Variants in EPHB1 observed in about 807,000 individuals in gnomAD.
EPHB1 encodes EPH receptor B1.
A neutral mutation model predicts 94.4 loss-of-function variants in EPHB1; 30 were observed. That is an observed-to-expected ratio of 0.32 (90% CI 0.24 to 0.43). The LOEUF (loss-of-function observed/expected upper bound fraction) is 0.43. Among genes scored for constraint, EPHB1 ranks in the 20% least tolerant of loss-of-function variants. The probability of loss-of-function intolerance (pLI) is 1.00; values close to 1 mark genes in which losing one functional copy is unlikely to be tolerated. For missense variants in EPHB1, 1,055 were observed against 1,308.3 expected (o/e 0.81, Z 2.99); for synonymous variants, 522 against 489.1 (o/e 1.07, Z -0.89).
intron 12 of EPHB1, among the ~76,000 whole-genome samples, chr3:135,232,262 A>C (rs1192702434): frequency 6.6e-6 from 1 of 152,244 alleles, no homozygotes; most frequent in Admixed American, 6.5e-5. Context: ...ATTTATTCTA[A>C]AATACCTTTC....
chr3:134,936,576 C>T (rs936177001), intron 2 of EPHB1, among the ~76,000 whole-genome samples: 4 of 152,152 alleles, frequency 2.6e-5, no homozygotes, highest in Non-Finnish European at 5.9e-5. Flanking sequence ...AACGCGCCCC[C>T]CCCTCCATTT....
At chr3:134,830,238 A>G (rs1490776684) in intron 1 of EPHB1, among the ~76,000 whole-genome samples, 1 of 152,190 alleles carries the variant, frequency 6.6e-6, no homozygotes, top group East Asian at 1.9e-4. Context: ...ACTCCTAATT[A>G]CTTCAGTGTC....
intron 2 of EPHB1, among the ~76,000 whole-genome samples, chr3:134,938,471 C>T (rs944101059): frequency 2.0e-5 from 3 of 152,198 alleles, no homozygotes; most frequent in African/African-American, 7.2e-5. Context: ...GCTCACAGGG[C>T]CTTCCGATGG....
chr3:135,154,353 C>A (rs1254974985), intron 6 of EPHB1, 77 bp downstream of exon 6: 29 of 1,589,184 alleles, frequency 1.8e-5, no homozygotes, highest in Non-Finnish European at 2.2e-5. Context: ...GCTGAAGGCA[C>A]AAAGGAGATA....
chr3:135,046,752 T>C (rs1937011087), intron 3 of EPHB1, among the ~76,000 whole-genome samples: 2 of 152,188 alleles, frequency 1.3e-5, no homozygotes, highest in Admixed American at 6.5e-5. Flanking sequence ...GTTTGAGAAC[T>C]TCTGTGCATC....
At chr3:135,088,752 A>C (rs1048180092) in intron 3 of EPHB1, among the ~76,000 whole-genome samples, 5 of 152,208 alleles carry the variant, frequency 3.3e-5, no homozygotes, top group African/African-American at 1.2e-4. Context: ...GCCAATACTC[A>C]TGCATTATCA....
intron 3 of EPHB1, among the ~76,000 whole-genome samples, chr3:134,996,689 T>C (rs1212673908): frequency 6.6e-6 from 1 of 152,148 alleles, no homozygotes; most frequent in Non-Finnish European, 1.5e-5. Context: ...CTTTTGATTA[T>C]TTGTTAGTCT....
At position 135,117,818 on chromosome 3, in the gene EPHB1, C is replaced by G. The variant is rs1939775055; in HGVS notation, c.961+11215C>G. On this transcript the variant is annotated intron_variant, in intron 4 of 15. Transcript: ENST00000398015. ...TCAGAGGTTTGCCTTTCCAGGCTTA[C>G]CTTGGAAATGGCAATGAAGGGTGCT... Among the ~76,000 whole-genome samples, 3 of 152,188 alleles carry G rather than the reference C, an allele frequency of 2.0e-5. No homozygotes were observed. In the South Asian group the frequency reaches 6.2e-4, roughly 31 times the overall value.
intron 1 of EPHB1, among the ~76,000 whole-genome samples, chr3:134,858,536 T>G (rs2037174702): frequency 6.6e-6 from 1 of 152,170 alleles, no homozygotes; most frequent in South Asian, 2.1e-4. Flanking sequence ...ATTTAAAATC[T>G]GTTTCCATCA....
At chr3:134,978,683 T>C (rs1262008615) in intron 3 of EPHB1, among the ~76,000 whole-genome samples, 4 of 152,208 alleles carry the variant, frequency 2.6e-5, no homozygotes. Context: ...CCCCAGTGCT[T>C]TTTAGCATCT....
intron 3 of EPHB1, among the ~76,000 whole-genome samples, chr3:134,962,463 A>G (rs1933557219): frequency 6.6e-6 from 1 of 152,202 alleles, no homozygotes; most frequent in Non-Finnish European, 1.5e-5. Context: ...AAGCTGTGGT[A>G]GGTGAAATGT....
intron 1 of EPHB1, among the ~76,000 whole-genome samples, chr3:134,863,443 T>C (rs2037308500): frequency 6.6e-6 from 1 of 152,234 alleles, no homozygotes; most frequent in Non-Finnish European, 1.5e-5. Flanking sequence ...CGGGCAGATG[T>C]GCCTTTCTTT....
At chr3:135,168,683 G>A (rs923677088) in intron 9 of EPHB1, among the ~76,000 whole-genome samples, 10 of 152,208 alleles carry the variant, frequency 6.6e-5, no homozygotes, top group South Asian at 4.2e-4. Context: ...TCTGCCTCAG[G>A]ATCCTGACAT....
chr3:135,091,211 G>A (rs1938539373), intron 3 of EPHB1, among the ~76,000 whole-genome samples: 1 of 152,212 alleles, frequency 6.6e-6, no homozygotes, highest in African/African-American at 2.4e-5. Flanking sequence ...AAAGAGTTGA[G>A]GCAGTTGGGA....
At chr3:134,874,369 G>C (rs542758463) in intron 1 of EPHB1, among the ~76,000 whole-genome samples, 38 of 152,240 alleles carry the variant, frequency 2.5e-4, no homozygotes, top group African/African-American at 8.7e-4. Flanking sequence ...CTATTGGGGG[G>C]TGGAGGGTGA....
At chr3:135,058,736 C>T (rs951574429) in intron 3 of EPHB1, among the ~76,000 whole-genome samples, 1 of 152,246 alleles carries the variant, frequency 6.6e-6, no homozygotes, top group Non-Finnish European at 1.5e-5. Flanking sequence ...GCATCCTCTG[C>T]TCCACAGAGC....
At chr3:135,196,883 A>G (rs541009705) in intron 11 of EPHB1, among the ~76,000 whole-genome samples, 1 of 152,212 alleles carries the variant, frequency 6.6e-6, no homozygotes, top group Non-Finnish European at 1.5e-5. Flanking sequence ...TGGATTATAT[A>G]GCATACAAAT....
intron 1 of EPHB1, among the ~76,000 whole-genome samples, chr3:134,804,279 AG>A (rs1162905073): frequency 6.6e-6 from 1 of 151,992 alleles, no homozygotes. Context: ...AAAATAAGGA[AG>A]AAGCAAAGTG....
intron 3 of EPHB1, among the ~76,000 whole-genome samples, chr3:135,034,176 G>T (rs1936572734): frequency 6.6e-6 from 1 of 152,122 alleles, no homozygotes; most frequent in Non-Finnish European, 1.5e-5. Context: ...TTAGGCATTT[G>T]GGGACTTTAA....
Sources: allele counts gnomAD v4.1 joint callset (sites outside exome capture counted in the v4.1 genomes callset), GRCh38; gene constraint gnomAD v4.1.1; transcripts MANE v1.5; gene names NCBI Gene and HGNC (gene_info 2026-07-23, HGNC 2026-07-21).